Variants in ZNF274 observed in about 807,000 individuals in gnomAD.
The protein encoded by ZNF274 is neurotrophin receptor-interacting factor homolog.
Under a neutral mutation model 42.5 loss-of-function variants are expected in ZNF274, and 23 were observed. That is an observed-to-expected ratio of 0.54 (90% CI 0.39 to 0.77). ZNF274 has a LOEUF of 0.77. Among genes scored for constraint, ZNF274 ranks in the 30% least tolerant of loss-of-function variants. ZNF274 has a pLI of 0.00. For synonymous variants in ZNF274, 292 were observed against 305.4 expected (o/e 0.96, Z 0.46); for missense variants, 679 against 806.5 (o/e 0.84, Z 1.91).
rs1000768237 is a variant in ZNF274, at chr19:58,211,927, C to G, written c.980-234C>G. 3.3e-5 allele frequency among the ~76,000 whole-genome samples: 5 copies of G among 152,162 alleles called. No individual in the cohort carries two copies. The highest frequency in any genetic ancestry group is 1.2e-4 in the African/African-American group (5 of 41,430). ...TATCTCCTGAGGGAGTATGAGAGAA[C>G]AGGAACTCGAAGAGCTCGGAGGACA... On this transcript the variant is annotated intron_variant, in intron 7 of 7. Transcript: ENST00000617501. This position sits in a 1 kb window ranked among gnomAD's most constrained non-coding sequence, Gnocchi z 4.8.
chr19:58,211,997 C>T lies in ZNF274; in HGVS notation c.980-164C>T, dbSNP rs1466553735. Among the ~76,000 whole-genome samples the T allele has an allele frequency of 6.6e-6, 1 of 152,162 alleles. No individual in the cohort carries two copies. Among genetic ancestry groups the T allele is most frequent in the Non-Finnish European group, 1.5e-5 (1 of 68,028 alleles). ...CTTGTTCACCAAGGTCAGTGCTCCCCTCCCTGCCGCTTCATTGCTTTTCAG... is the reference window on the plus strand; with the variant it reads ...CTTGTTCACCAAGGTCAGTGCTCCCTTCCCTGCCGCTTCATTGCTTTTCAG... On this transcript the variant is annotated intron_variant, in intron 7 of 7. Coordinates refer to ENST00000617501, the MANE Select transcript of ZNF274 (RefSeq NM_133502.3). This position sits in a 1 kb window ranked among gnomAD's most constrained non-coding sequence, Gnocchi z 4.8.
intron 4 of ZNF274, among the ~76,000 whole-genome samples, chr19:58,204,177 G>A (rs2075952066): frequency 6.6e-6 from 1 of 152,296 alleles, no homozygotes; most frequent in East Asian, 1.9e-4. Context: ...ACCTTCAGGT[G>A]GGGCAGGCGT....
rs1568697739 is a variant in ZNF274 at position 58,188,688 on chromosome 19, GTATA to G, written c.256+1648_256+1651del. Among the ~76,000 whole-genome samples, 718 of 52,962 alleles carry G rather than the reference GTATA, an allele frequency of 0.014. 42 individuals are homozygous for G. The Admixed American group carries it at 0.14, about 10-fold the overall frequency. The allele number at this position is 52,962 out of a possible 152,430, so 34.7% of individuals were successfully genotyped here. A position where few individuals can be genotyped will look rare whatever the true frequency, so the allele number is the denominator to read the frequency against. On this transcript the variant is annotated intron_variant, in intron 4 of 7. Transcript: ENST00000617501. ...TGTGTGTGTGTGTGTATATATATAT[GTATA>G]TGTATATATATATATATATATATAT... is the stretch of plus-strand genomic sequence containing the variant.
At chr19:58,188,349 G>A (rs1042494392) in intron 4 of ZNF274, among the ~76,000 whole-genome samples, 4 of 150,492 alleles carry the variant, frequency 2.7e-5, no homozygotes, top group Non-Finnish European at 1.5e-5. Flanking sequence ...GGACAGGCAC[G>A]GTGGCTCATG....
At chr19:58,191,223 T>G (rs572992350) in intron 4 of ZNF274, among the ~76,000 whole-genome samples, 15 of 152,306 alleles carry the variant, frequency 9.8e-5, no homozygotes, top group South Asian at 8.3e-4. Context: ...CTGTAACCTC[T>G]GCCTCCCAGG....
chr19:58,192,630 A>T (rs2075791105), intron 4 of ZNF274, among the ~76,000 whole-genome samples: 1 of 152,198 alleles, frequency 6.6e-6, no homozygotes, highest in African/African-American at 2.4e-5. Flanking sequence ...TCATCTCTAG[A>T]TTACTTATAA....
Position 58,211,292 on chromosome 19 carries a change from G to A in ZNF274, c.853-268G>A. ...TTCAGCAATGGGCAAGCTGGATAGA[G>A]CCGTGGTTAGGATGGAGTTGTTTGC... On this transcript the variant is annotated intron_variant, in intron 6 of 7. Coordinates refer to ENST00000617501, the MANE Select transcript of ZNF274 (RefSeq NM_133502.3). This position sits in a 1 kb window ranked among gnomAD's most constrained non-coding sequence, Gnocchi z 4.8. 2.9e-6 allele frequency: 1 copy of A among 344,478 alleles called. No individual in the cohort carries two copies. The highest frequency in any genetic ancestry group is 4.6e-5 in the Admixed American group (1 of 21,588). The allele number at this position is 344,478 out of a possible 1,614,324, so 21.3% of individuals were successfully genotyped here.
chr19:58,194,204 TATGTGTGTGTGTGG>T (rs1326164063), intron 4 of ZNF274, among the ~76,000 whole-genome samples: 2 of 151,896 alleles, frequency 1.3e-5, no homozygotes, highest in African/African-American at 2.4e-5. Flanking sequence ...GTTTCAAAAA[TATGTGTGTGTGTGG>T]GTGTGTGTGT....
intron 4 of ZNF274, among the ~76,000 whole-genome samples, chr19:58,199,517 TCAAGAC>T (rs2075884285): frequency 6.6e-6 from 1 of 152,196 alleles, no homozygotes; most frequent in Admixed American, 6.5e-5. Context: ...GGCCAGGAGT[TCAAGAC>T]CAGCCTGGCC....
chr19:58,202,370 C>G (rs1173293846), intron 4 of ZNF274: 1 of 152,272 alleles, frequency 6.6e-6, no homozygotes, highest in African/African-American at 2.4e-5. Context: ...CCATCAAGCC[C>G]TTACCACATG....
chr19:58,191,365 T>C (rs1181848708), intron 4 of ZNF274, among the ~76,000 whole-genome samples: 1 of 152,176 alleles, frequency 6.6e-6, no homozygotes, highest in African/African-American at 2.4e-5. Flanking sequence ...TCTTGATCTT[T>C]TGAACTTGTG....
intron 6 of ZNF274, chr19:58,210,806 C>G (rs1477987463): frequency 6.6e-6 from 1 of 152,546 alleles, no homozygotes; most frequent in Non-Finnish European, 1.5e-5. Context: ...CCTCTGCCTC[C>G]CAGGTTCAAG....
At chr19:58,186,380 T>C (rs1209251606) in intron 3 of ZNF274, among the ~76,000 whole-genome samples, 1 of 151,602 alleles carries the variant, frequency 6.6e-6, no homozygotes, top group Non-Finnish European at 1.5e-5. Flanking sequence ...GATGAAACCC[T>C]GTCTTTACTA....
In ZNF274 at chr19:58,212,365, C is replaced by G; in HGVS notation, c.1184C>G (p.Pro395Arg). The G allele has an allele frequency of 1.2e-6, 2 of 1,613,966 alleles. No individual in the cohort carries two copies. Among genetic ancestry groups the G allele is most frequent in the South Asian group, 2.2e-5 (2 of 91,070 alleles). The change falls in exon 8 of 8, where the codon CCT (proline) becomes CGT (arginine). Residue 395 changes from proline to arginine, a missense_variant. Pro to Arg is a moderately radical substitution (Grantham distance 103). This residue lies in a region of ZNF274 where 456 missense variants were observed against 590.1 expected (regional missense o/e 0.77). Coordinates refer to ENST00000617501, the MANE Select transcript of ZNF274 (RefSeq NM_133502.3). This position sits in a 1 kb window ranked among gnomAD's most constrained non-coding sequence, Gnocchi z 4.6. ...GAGTCTGCTCAGGAAAAAGACCTTCCTCAGAAGAAGCACTTTGACAACCGT... is the reference window on the plus strand; with the variant it reads ...GAGTCTGCTCAGGAAAAAGACCTTCGTCAGAAGAAGCACTTTGACAACCGT... ...QMESAQEKDL[P>R]QKKHFDNRES...
intron 4 of ZNF274, among the ~76,000 whole-genome samples, chr19:58,187,892 G>A (rs1214630240): frequency 6.6e-6 from 1 of 151,756 alleles, no homozygotes; most frequent in African/African-American, 2.4e-5. Flanking sequence ...CTCCAGGCTA[G>A]TTTTTGTATT....
At chr19:58,206,697 C>T in intron 4 of ZNF274, 23 bp from the exon 5 acceptor site, 1 of 1,537,168 alleles carries the variant, frequency 6.5e-7, no homozygotes, top group South Asian at 1.2e-5. Context: ...TCTCATTTGT[C>T]TTGCTCTGCT....
intron 4 of ZNF274, among the ~76,000 whole-genome samples, chr19:58,206,393 T>G (rs777581610): frequency 2.7e-4 from 41 of 152,230 alleles, no homozygotes; most frequent in Admixed American, 2.0e-4. Context: ...TTATAGAAGT[T>G]TTTGGGGACA....
At position 58,211,958 on chromosome 19, in the gene ZNF274, T is replaced by C. The variant is rs1238757204; in HGVS notation, c.980-203T>C. Among the ~76,000 whole-genome samples the C allele has an allele frequency of 6.6e-6, 1 of 152,190 alleles. No homozygotes were observed. Among genetic ancestry groups the C allele is most frequent in the African/African-American group, 2.4e-5 (1 of 41,448 alleles). On this transcript the variant is annotated intron_variant, in intron 7 of 7. Transcript: ENST00000617501. This position sits in a 1 kb window ranked among gnomAD's most constrained non-coding sequence, Gnocchi z 4.8. ...CTCGAAGAGCTCGGAGGACACTCCCTGCCCTTCCTGTCCCTTGTTCACCAA... is the reference window on the plus strand; with the variant it reads ...CTCGAAGAGCTCGGAGGACACTCCCCGCCCTTCCTGTCCCTTGTTCACCAA...
rs745546187 is a variant in ZNF274, at chr19:58,211,646, C to T, written c.939C>T (p.Arg313=). 12 of 1,613,550 alleles carry T rather than the reference C, an allele frequency of 7.4e-6. No homozygotes were observed. Among genetic ancestry groups the T allele is most frequent in the Admixed American group, 6.7e-5 (4 of 59,974 alleles). ...GCCCGACACAGAGGACCGAGTACCG[C>T]GATGTGATGCTGGAGACCTTTGGGC... is the stretch of plus-strand genomic sequence containing the variant. ...LLGPTQRTEY[R]DVMLETFGHL... is the part of the protein sequence containing the mutation. The change falls in exon 7 of 8, where the codon CGC becomes CGT. Residue 313 remains arginine, a synonymous_variant. Coordinates refer to ENST00000617501, the MANE Select transcript of ZNF274 (RefSeq NM_133502.3). This position sits in a 1 kb window ranked among gnomAD's most constrained non-coding sequence, Gnocchi z 4.8.
Sources: gnomAD v4.1 joint callset for allele counts (sites outside exome capture counted in the v4.1 genomes callset) on GRCh38, gnomAD v4.1.1 for gene constraint, gnomAD v4.1.1 regional missense constraint, Gnocchi (gnomAD v3.1) non-coding constraint, MANE v1.5 for transcripts, NCBI Gene and HGNC (gene_info 2026-07-23, HGNC 2026-07-21) for gene names.